FER1L5: variants seen among roughly 807,000 people sequenced by gnomAD.
The protein encoded by FER1L5 is fer-1 like family member 5, also known as fer-1-like protein 5.
In FER1L5, 187 loss-of-function variants were observed where a neutral mutation model predicts 279.9. That is an observed-to-expected ratio of 0.67 (90% CI 0.59 to 0.75). The LOEUF (loss-of-function observed/expected upper bound fraction) is 0.75, where lower values mean the gene tolerates loss of function less well. Ranked by LOEUF, FER1L5 falls within the 30% of genes least tolerant of loss-of-function variation. The probability of loss-of-function intolerance (pLI) is 0.00; values close to 1 mark genes in which losing one functional copy is unlikely to be tolerated. For missense variants in FER1L5, 2,091 were observed against 2,594.4 expected (o/e 0.81, Z 4.21); for synonymous variants, 921 against 989.7 (o/e 0.93, Z 1.30).
rs1279322667 is a variant in FER1L5, at chr2:96,670,190, C to A, written c.1434C>A (p.Ile478=). 6.4e-7 allele frequency: 1 copy of A among 1,551,488 alleles called. No homozygotes were observed. Among genetic ancestry groups the A allele is most frequent in the East Asian group, 2.4e-5 (1 of 40,922 alleles). The stretch of plus-strand genomic sequence containing the variant: ...TCTTCCTGGAGTTAATCACCCAAAT[C>A]AAGTCCTATCAAGACTCCACGATAA... The part of the protein sequence containing the change: ...GRVFLELITQ[I]KSYQDSTIKD... The change falls in exon 18 of 53, where the codon ATC becomes ATA. Residue 478 remains isoleucine (I), a synonymous_variant. Transcript: ENST00000624922.
Position 96,685,998 on chromosome 2 carries a change from T to C in FER1L5, c.1954T>C (p.Trp652Arg), listed in dbSNP as rs114120697. The change falls in exon 22 of 53, where the codon TGG becomes CGG. Residue 652 changes from tryptophan (W) to arginine (R), a missense_variant. Coordinates refer to ENST00000624922, the MANE Select transcript of FER1L5 (RefSeq NM_001293083.2). ...PKATSLDRKR[W>R]QLRSLLLQEL... Reference sequence around the variant, plus strand: ...AGCCACCAGCCTGGACAGGAAGAGGTGGCAGCTCCGCAGCCTCCTCCTGCA... The same window carrying C: ...AGCCACCAGCCTGGACAGGAAGAGGCGGCAGCTCCGCAGCCTCCTCCTGCA... The C allele has an allele frequency of 2.8e-3, 4,305 of 1,551,222 alleles. 116 individuals carry two copies. The African/African-American group carries it at 0.052, about 19-fold the overall frequency.
chr2:96,648,562 C>T (rs1055774207), intron 4 of FER1L5, among the ~76,000 whole-genome samples: 11 of 152,184 alleles, frequency 7.2e-5, no homozygotes, highest in Non-Finnish European at 1.6e-4. Context: ...GAAGTGGGGA[C>T]AAAAATTAAG....
chr2:96,652,060 G>A lies in FER1L5; in HGVS notation c.633+40G>A, dbSNP rs1052441949. 30 of 1,550,746 alleles carry A rather than the reference G, an allele frequency of 1.9e-5. No homozygotes were observed. In the African/African-American group the frequency reaches 3.8e-4, roughly 20 times the overall value. The stretch of plus-strand genomic sequence containing the variant: ...GCACATCAGGCAAGGAGCCAGCCAA[G>A]GGCTGGGCATCCCCGGTGGGCAGCC... On this transcript the variant is annotated intron_variant, in intron 7 of 52. Transcript: ENST00000624922.
intron 6 of FER1L5, among the ~76,000 whole-genome samples, chr2:96,651,269 T>A (rs1350962900): frequency 6.6e-6 from 1 of 150,582 alleles, no homozygotes; most frequent in Non-Finnish European, 1.5e-5. Context: ...CTTTCTTTCT[T>A]TCTTTCTTTC....
intron 14 of FER1L5, among the ~76,000 whole-genome samples, chr2:96,663,739 A>G (rs934104702): frequency 1.3e-5 from 2 of 152,152 alleles, no homozygotes; most frequent in Non-Finnish European, 2.9e-5. Context: ...TATGACTTGT[A>G]GATATTTAAA....
intron 7 of FER1L5, chr2:96,653,405 T>A: frequency 1.9e-6 from 1 of 524,098 alleles, no homozygotes; most frequent in South Asian, 2.4e-5. Flanking sequence ...AAACCCAGAA[T>A]GCTCCAGTGA....
chr2:96,651,240 T>TTTCTTTCC (rs1168969274), intron 6 of FER1L5, among the ~76,000 whole-genome samples: 14 of 24,424 alleles, frequency 5.7e-4, no homozygotes, highest in African/African-American at 2.0e-3. Flanking sequence ...TTTCTTTCTC[T>TTTCTTTCC]TTCTTTCTTT....
At chr2:96,683,700 C>T (rs2076817043) in intron 19 of FER1L5, among the ~76,000 whole-genome samples, 1 of 152,182 alleles carries the variant, frequency 6.6e-6, no homozygotes, top group Non-Finnish European at 1.5e-5. Context: ...CAAGAACTTT[C>T]CAGAAATTTG....
intron 9 of FER1L5, among the ~76,000 whole-genome samples, chr2:96,659,347 TTCCTTCCTTCC>T (rs1558853323): frequency 2.3e-5 from 2 of 85,274 alleles, no homozygotes; most frequent in Non-Finnish European, 4.6e-5. Flanking sequence ...CCTTCCTTCC[TTCCTTCCTTCC>T]TTCCTTCTTT....
At position 96,693,496 on chromosome 2, in the gene FER1L5, AC is replaced by A; in HGVS notation, c.3293-6del. ...TCAAGACACTGCTACCTTCTCCTCT[AC>A]CCCTCCAGGGCCCTTCATTCGGGTG... On this transcript the variant is annotated splice_polypyrimidine_tract_variant and intron_variant, in intron 31 of 52. Coordinates refer to ENST00000624922, the MANE Select transcript of FER1L5 (RefSeq NM_001293083.2). The A allele has an allele frequency of 6.5e-7, 1 of 1,548,526 alleles. No homozygotes were observed. Among genetic ancestry groups the A allele is most frequent in the Non-Finnish European group, 8.7e-7 (1 of 1,145,268 alleles).
At chr2:96,677,402 C>A (rs1289557280) in intron 19 of FER1L5, among the ~76,000 whole-genome samples, 1 of 152,192 alleles carries the variant, frequency 6.6e-6, no homozygotes, top group African/African-American at 2.4e-5. Context: ...TCTTTTGCAT[C>A]TGGCTTCCTT....
chr2:96,647,683 G>C (rs1302092536), intron 3 of FER1L5, 95 bp from the exon 4 acceptor site: 2 of 880,552 alleles, frequency 2.3e-6, no homozygotes, highest in African/African-American at 3.3e-5. Flanking sequence ...CACAGCCCTG[G>C]GAGGAAACCG....
chr2:96,668,982 C>T lies in FER1L5; in HGVS notation c.1267+14C>T, dbSNP rs749401774. On this transcript the variant is annotated intron_variant, in intron 16 of 52. Transcript: ENST00000624922. ...AAGAGATAGAAGGCAAGCAAAGCCT[C>T]GAGCCCACTTCCTACACCCCTCGTC... 1.9e-6 allele frequency: 3 copies of T among 1,551,672 alleles called. No individual in the cohort carries two copies. Among genetic ancestry groups the T allele is most frequent in the African/African-American group, 1.4e-5 (1 of 73,142 alleles).
chr2:96,696,921 T>A (rs1005983012), intron 37 of FER1L5, among the ~76,000 whole-genome samples: 1 of 151,962 alleles, frequency 6.6e-6, no homozygotes, highest in African/African-American at 2.4e-5. Context: ...TAAAAAAAAA[T>A]TTATAGAGAC....
At chr2:96,699,424 C>G in intron 42 of FER1L5, 126 bp from the exon 43 acceptor site, 1 of 1,137,322 alleles carries the variant, frequency 8.8e-7, no homozygotes, top group Non-Finnish European at 1.3e-6. Flanking sequence ...GGCAGCCTAC[C>G]CCATGCTCTG....
chr2:96,662,125 G>A (rs952895704), intron 12 of FER1L5, 90 bp from the exon 13 acceptor site: 15 of 1,312,870 alleles, frequency 1.1e-5, no homozygotes, highest in Non-Finnish European at 1.6e-5. Context: ...TAAATTATAG[G>A]GGAGGGTTTT....
intron 9 of FER1L5, among the ~76,000 whole-genome samples, chr2:96,659,391 T>A (rs1211953438): frequency 7.9e-5 from 1 of 12,600 alleles, no homozygotes; most frequent in Non-Finnish European, 1.5e-4. Flanking sequence ...CTTTCTTTCT[T>A]TCTTTCTTTC....
Position 96,698,669 on chromosome 2 carries a change from A to G in FER1L5, c.4357-2A>G, listed in dbSNP as rs1164222604. 1.3e-6 allele frequency: 2 copies of G among 1,580,226 alleles called. No homozygotes were observed. The highest frequency in any genetic ancestry group is 1.7e-6 in the Non-Finnish European group (2 of 1,163,702). ...GGGCCCCCAACACCCTCCCCCCGCCAGGGCCTTTTCCGCATCTACCCCTTT... is the reference window on the plus strand; with the variant it reads ...GGGCCCCCAACACCCTCCCCCCGCCGGGGCCTTTTCCGCATCTACCCCTTT... On this transcript the variant is annotated splice_acceptor_variant, in intron 40 of 52. Coordinates refer to ENST00000624922, the MANE Select transcript of FER1L5 (RefSeq NM_001293083.2). LOFTEE classifies it high-confidence loss of function. This position sits in a 1 kb window ranked among gnomAD's most constrained non-coding sequence, Gnocchi z 5.5.
rs1416555351 is a variant in FER1L5, at chr2:96,646,467, C to T, written c.138+14C>T. 1 of 1,551,566 alleles carries T rather than the reference C, an allele frequency of 6.4e-7. No individual in the cohort carries two copies. Among genetic ancestry groups the T allele is most frequent in the Admixed American group, 2.0e-5 (1 of 50,986 alleles). On this transcript the variant is annotated intron_variant, in intron 2 of 52. Coordinates refer to ENST00000624922, the MANE Select transcript of FER1L5 (RefSeq NM_001293083.2). ...GTGTGGAATGAGGTAGACAACAGGGCAAGCCCAGAAGAGGAAATAACAACC... is the reference window on the plus strand; with the variant it reads ...GTGTGGAATGAGGTAGACAACAGGGTAAGCCCAGAAGAGGAAATAACAACC...
Sources: gnomAD v4.1 joint callset for allele counts (sites outside exome capture counted in the v4.1 genomes callset) on GRCh38, gnomAD v4.1.1 for gene constraint, Gnocchi (gnomAD v3.1) non-coding constraint, MANE v1.5 for transcripts, NCBI Gene and HGNC (gene_info 2026-07-23, HGNC 2026-07-21) for gene names.